Variants in LRMDA observed in about 807,000 individuals in gnomAD.
LRMDA encodes the protein leucine rich melanocyte differentiation associated.
Under a neutral mutation model 29.8 loss-of-function variants are expected in LRMDA, and 18 were observed. The observed-to-expected ratio is 0.60, with a 90% CI of 0.42 to 0.90. The LOEUF is 0.90. Ranked by LOEUF, LRMDA falls within the 40% of genes least tolerant of loss-of-function variation. The pLI is 0.00. For synonymous variants in LRMDA, 125 were observed against 109.4 expected (o/e 1.14, Z -0.89); for missense variants, 273 against 273.9 (o/e 1.00, Z 0.02).
intron 5 of LRMDA, among the ~76,000 whole-genome samples, chr10:76,144,481 TG>T (rs1850271482): frequency 6.6e-6 from 1 of 152,172 alleles, no homozygotes; most frequent in Admixed American, 6.5e-5. Flanking sequence ...ACTCATGATT[TG>T]GCTCTCTGTT....
chr10:75,580,618 C>T (rs1227150536), intron 2 of LRMDA, among the ~76,000 whole-genome samples: 1 of 152,202 alleles, frequency 6.6e-6, no homozygotes, highest in African/African-American at 2.4e-5. Flanking sequence ...CAAGACAATC[C>T]TAAGCCAAAA....
At chr10:76,022,565 C>T (rs924279056) in intron 2 of LRMDA, among the ~76,000 whole-genome samples, 25 of 152,086 alleles carry the variant, frequency 1.6e-4, no homozygotes, top group African/African-American at 6.0e-4. Context: ...GGGCAATTAG[C>T]CTCAGGGCCC....
intron 5 of LRMDA, among the ~76,000 whole-genome samples, chr10:76,143,666 T>C (rs1220938766): frequency 1.3e-5 from 2 of 152,244 alleles, no homozygotes; most frequent in Admixed American, 1.3e-4. Flanking sequence ...GATGGTAGTT[T>C]GTTTTGCTGT....
chr10:76,028,605 C>T (rs541828164), intron 2 of LRMDA, among the ~76,000 whole-genome samples: 4 of 152,032 alleles, frequency 2.6e-5, no homozygotes, highest in Non-Finnish European at 4.4e-5. Flanking sequence ...ATCTCCTTAA[C>T]CAAGCCACTG....
intron 2 of LRMDA, among the ~76,000 whole-genome samples, chr10:75,906,479 G>A (rs1380565063): frequency 6.6e-6 from 1 of 152,138 alleles, no homozygotes. Flanking sequence ...TGTGGCCTCC[G>A]ATTCCCAGCT....
chr10:76,504,363 G>A lies in LRMDA; in HGVS notation c.602-52846G>A, dbSNP rs548491494. 3.9e-5 allele frequency among the ~76,000 whole-genome samples: 6 copies of A among 152,014 alleles called. No individual in the cohort carries two copies. The South Asian group carries it at 6.2e-4, about 16-fold the overall frequency. ...TTGGGTCCAATTGGCTGAGTGTCATGTTTAAATCCATAATTTTTTTGTTCA... is the reference window on the plus strand; with the variant it reads ...TTGGGTCCAATTGGCTGAGTGTCATATTTAAATCCATAATTTTTTTGTTCA... On this transcript the variant is annotated intron_variant, in intron 6 of 6. Transcript: ENST00000611255.
chr10:76,108,392 A>G (rs1409658274), intron 5 of LRMDA, among the ~76,000 whole-genome samples: 1 of 152,176 alleles, frequency 6.6e-6, no homozygotes. Flanking sequence ...GAAAGGTAAA[A>G]TAACCATCAG....
At chr10:75,729,349 A>G (rs1842667914) in intron 2 of LRMDA, among the ~76,000 whole-genome samples, 1 of 152,238 alleles carries the variant, frequency 6.6e-6, no homozygotes, top group Non-Finnish European at 1.5e-5. Flanking sequence ...CCTAGTCCCC[A>G]AAGAAGACAG....
At chr10:75,874,149 C>T (rs1845158392) in intron 2 of LRMDA, among the ~76,000 whole-genome samples, 1 of 152,088 alleles carries the variant, frequency 6.6e-6, no homozygotes, top group African/African-American at 2.4e-5. Context: ...GTACATATGC[C>T]TTAGACTTAA....
chr10:76,534,662 T>C (rs963309492), intron 6 of LRMDA, among the ~76,000 whole-genome samples: 2 of 152,204 alleles, frequency 1.3e-5, no homozygotes, highest in African/African-American at 4.8e-5. Context: ...ATAAAAATTA[T>C]GACAGATTAT....
At chr10:76,510,511 C>T (rs1298016962) in intron 6 of LRMDA, among the ~76,000 whole-genome samples, 1 of 152,092 alleles carries the variant, frequency 6.6e-6, no homozygotes, top group Non-Finnish European at 1.5e-5. Flanking sequence ...TATAGGTAGA[C>T]TGGGAAAGCA....
At chr10:76,124,060 G>A (rs1489889006) in intron 5 of LRMDA, among the ~76,000 whole-genome samples, 2 of 151,762 alleles carry the variant, frequency 1.3e-5, no homozygotes, top group Non-Finnish European at 2.9e-5. Context: ...TCTCATTTCC[G>A]CCTTGCTTTC....
intron 2 of LRMDA, among the ~76,000 whole-genome samples, chr10:75,714,054 T>C (rs1244873978): frequency 6.6e-6 from 1 of 152,194 alleles, no homozygotes; most frequent in African/African-American, 2.4e-5. Context: ...AGACTTGTTA[T>C]CTGAGGTAGG....
At chr10:75,903,225 G>A (rs759767564) in intron 2 of LRMDA, among the ~76,000 whole-genome samples, 5 of 152,318 alleles carry the variant, frequency 3.3e-5, no homozygotes, top group African/African-American at 7.2e-5. Flanking sequence ...ATACCAAATG[G>A]ATATTGACAG....
At chr10:76,281,563 A>AT (rs1470664879) in intron 5 of LRMDA, among the ~76,000 whole-genome samples, 6 of 152,218 alleles carry the variant, frequency 3.9e-5, no homozygotes, top group Admixed American at 2.6e-4. Flanking sequence ...GACAACTACC[A>AT]TTCCCCCAAC....
At chr10:76,158,353 T>G (rs1850580941) in intron 5 of LRMDA, among the ~76,000 whole-genome samples, 2 of 152,158 alleles carry the variant, frequency 1.3e-5, no homozygotes, top group Non-Finnish European at 2.9e-5. Flanking sequence ...TCTCTCTTCT[T>G]ACGTACTAAT....
At chr10:75,786,738 A>G (rs753297383) in intron 2 of LRMDA, among the ~76,000 whole-genome samples, 2 of 152,050 alleles carry the variant, frequency 1.3e-5, no homozygotes, top group Non-Finnish European at 2.9e-5. Flanking sequence ...AACATAGATG[A>G]TGGTTCTCTA....
chr10:75,729,860 C>T (rs922638262), intron 2 of LRMDA, among the ~76,000 whole-genome samples: 2 of 152,164 alleles, frequency 1.3e-5, no homozygotes, highest in Non-Finnish European at 2.9e-5. Flanking sequence ...TGCAGTAGCA[C>T]GATCATAGCT....
At chr10:75,982,323 C>T (rs920545384) in intron 2 of LRMDA, among the ~76,000 whole-genome samples, 12 of 152,190 alleles carry the variant, frequency 7.9e-5, no homozygotes, top group Non-Finnish European at 1.5e-5. Context: ...TTCCCCCTTA[C>T]ATTCCCTCTC....
Sources: gnomAD v4.1 joint callset for allele counts (sites outside exome capture counted in the v4.1 genomes callset) on GRCh38, gnomAD v4.1.1 for gene constraint, MANE v1.5 for transcripts, NCBI Gene and HGNC (gene_info 2026-07-23, HGNC 2026-07-21) for gene names.